The following SPTSSA variants were observed in gnomAD, a reference collection of about 807,000 sequenced individuals.
SPTSSA encodes serine palmitoyltransferase small subunit A.
In SPTSSA, 8 loss-of-function variants were observed where a neutral mutation model predicts 9.1. That is an observed-to-expected ratio of 0.88 (90% confidence interval 0.51 to 1.58). SPTSSA has a LOEUF of 1.58. Among genes scored for constraint, SPTSSA ranks in the 40% most tolerant of loss-of-function variants. SPTSSA has a pLI of 0.00. For missense variants in SPTSSA, 100 were observed against 93.8 expected, an observed-to-expected ratio of 1.07 and a Z score of -0.27; for synonymous variants, 42 against 37.7, an observed-to-expected ratio of 1.11 and a Z score of -0.41.
chr14:34,445,479 C>CGACAGAGCTGGGA (rs1382381807), intron 1 of SPTSSA, among the ~76,000 whole-genome samples: 1 of 151,934 alleles, frequency 6.6e-6, no homozygotes, highest in East Asian at 1.9e-4. Flanking sequence ...CCAGCCTGGG[C>CGACAGAGCTGGGA]GACAGAGCAA....
intron 1 of SPTSSA, among the ~76,000 whole-genome samples, chr14:34,435,623 C>CTTTTTTTTTTT (rs769896697): frequency 1.6e-4 from 15 of 92,442 alleles, no homozygotes; most frequent in African/African-American, 4.6e-4. Flanking sequence ...GTTTGTTTCT[C>CTTTTTTTTTTT]TTTTTTTTTT....
intron 1 of SPTSSA, among the ~76,000 whole-genome samples, chr14:34,439,250 G>A (rs1204143438): frequency 6.6e-6 from 1 of 152,082 alleles, no homozygotes; most frequent in Admixed American, 6.6e-5. Flanking sequence ...AACCAAGAAG[G>A]CTGCTTGGCA....
chr14:34,451,617 G>A (rs1883525908), intron 1 of SPTSSA, among the ~76,000 whole-genome samples: 1 of 151,676 alleles, frequency 6.6e-6, no homozygotes, highest in Non-Finnish European at 1.5e-5. Flanking sequence ...CAGCTACTCC[G>A]GAGGCTGAGG....
At chr14:34,461,322 G>A (rs1878610650) in intron 1 of SPTSSA, among the ~76,000 whole-genome samples, 1 of 152,146 alleles carries the variant, frequency 6.6e-6, no homozygotes, top group Non-Finnish European at 1.5e-5. Context: ...ATTAACTGAA[G>A]TTCTCAAAGT....
intron 1 of SPTSSA, among the ~76,000 whole-genome samples, chr14:34,459,208 G>A (rs980318396): frequency 9.9e-5 from 15 of 151,848 alleles, no homozygotes; most frequent in East Asian, 9.7e-4. Flanking sequence ...CAAGGCAGGC[G>A]GATCACTTGA....
chr14:34,453,729 T>C (rs1330675554), intron 1 of SPTSSA, among the ~76,000 whole-genome samples: 2 of 152,240 alleles, frequency 1.3e-5, no homozygotes, highest in Non-Finnish European at 2.9e-5. Flanking sequence ...ACCAAAACGC[T>C]TGTATTAGTA....
chr14:34,446,988 C>G (rs574822539), intron 1 of SPTSSA, among the ~76,000 whole-genome samples: 70 of 151,934 alleles, frequency 4.6e-4, no homozygotes, highest in Non-Finnish European at 7.9e-4. Flanking sequence ...CTTTGAGAGG[C>G]CGAGGCAGGT....
At chr14:34,435,364 G>A in intron 1 of SPTSSA, 60 bp from the exon 2 acceptor site, 1 of 1,211,272 alleles carries the variant, frequency 8.3e-7, no homozygotes, top group Non-Finnish European at 1.2e-6. Context: ...ATCTCCACAT[G>A]TCTTCAACAA....
In SPTSSA at chr14:34,447,225, T is replaced by TAA. The variant is rs79063928; in HGVS notation, c.113-11923_113-11922dup. Among the ~76,000 whole-genome samples the TAA allele has an allele frequency of 7.4e-3, 630 of 85,272 alleles. 8 individuals are homozygous for TAA. Among genetic ancestry groups the TAA allele is most frequent in the African/African-American group, 0.011 (255 of 23,252 alleles). 55.9% of individuals were successfully genotyped at this position (85,272 alleles called of 152,430 possible). A position where few individuals can be genotyped will look rare whatever the true frequency, so the allele number is the denominator to read the frequency against. On this transcript the variant is annotated intron_variant, in intron 1 of 1. Transcript: ENST00000298130. ...GGTGACAGAGCGAGACTCCATCTCT[T>TAA]AAAAAAAAAAAAAAAAAAAAAAAAA... is the stretch of plus-strand genomic sequence containing the variant.
intron 1 of SPTSSA, among the ~76,000 whole-genome samples, chr14:34,455,910 C>T (rs915601644): frequency 2.0e-5 from 3 of 149,256 alleles, no homozygotes; most frequent in Admixed American, 1.3e-4. Context: ...CCAGCCTGGG[C>T]AACAGAACAA....
At chr14:34,451,444 C>T (rs1047537638) in intron 1 of SPTSSA, among the ~76,000 whole-genome samples, 14 of 152,142 alleles carry the variant, frequency 9.2e-5, no homozygotes, top group Admixed American at 1.3e-4. Flanking sequence ...CAATTCTAGG[C>T]TGGGCGCGGT....
At chr14:34,449,682 T>C (rs1883485324) in intron 1 of SPTSSA, among the ~76,000 whole-genome samples, 1 of 151,062 alleles carries the variant, frequency 6.6e-6, no homozygotes, top group East Asian at 2.0e-4. Context: ...TTTATATTTT[T>C]AGTAGAGATG....
Position 34,458,033 on chromosome 14 carries a change from T to G in SPTSSA, c.112+4063A>C, listed in dbSNP as rs143553417. ...AAGACAGATGGTATATAGGCCCTAG[T>G]GAGGAAGAATTTACAAAACTTACTT... On this transcript the variant is annotated intron_variant, in intron 1 of 1. Coordinates refer to ENST00000298130, the MANE Select transcript of SPTSSA (RefSeq NM_138288.4). 5.2e-3 allele frequency among the ~76,000 whole-genome samples: 786 copies of G among 150,214 alleles called. 7 individuals carry two copies. Among genetic ancestry groups the G allele is most frequent in the African/African-American group, 0.017 (701 of 40,854 alleles).
chr14:34,449,357 T>C (rs1419911540), intron 1 of SPTSSA, among the ~76,000 whole-genome samples: 1 of 151,958 alleles, frequency 6.6e-6, no homozygotes, highest in African/African-American at 2.4e-5. Context: ...ATAACACTAC[T>C]GCACTCTAGC....
chr14:34,457,962 AC>A (rs1878517200), intron 1 of SPTSSA, among the ~76,000 whole-genome samples: 1 of 137,774 alleles, frequency 7.3e-6, no homozygotes, highest in African/African-American at 2.9e-5. Context: ...ACAGAGCAAG[AC>A]TGTCTCGGAA....
At chr14:34,454,312 C>T (rs1445629641) in intron 1 of SPTSSA, among the ~76,000 whole-genome samples, 1 of 152,180 alleles carries the variant, frequency 6.6e-6, no homozygotes, top group Non-Finnish European at 1.5e-5. Context: ...TCACAAATCA[C>T]TAGAATCACA....
chr14:34,456,129 C>A (rs372082353), intron 1 of SPTSSA, among the ~76,000 whole-genome samples: 147 of 150,750 alleles, frequency 9.8e-4, no homozygotes, highest in African/African-American at 2.8e-3. Flanking sequence ...CGAGACCATC[C>A]GGCTAACATG....
At chr14:34,456,793 G>A (rs1003491730) in intron 1 of SPTSSA, among the ~76,000 whole-genome samples, 1 of 151,062 alleles carries the variant, frequency 6.6e-6, no homozygotes, top group Admixed American at 6.6e-5. Flanking sequence ...CAGCTACTCG[G>A]GAGGGCAAGG....
chr14:34,454,039 G>A (rs1883570307), intron 1 of SPTSSA, among the ~76,000 whole-genome samples: 1 of 152,068 alleles, frequency 6.6e-6, no homozygotes, highest in Admixed American at 6.6e-5. Context: ...AATTAATCAG[G>A]CATGGTGGTG....
Sources: allele counts gnomAD v4.1 joint callset (sites outside exome capture counted in the v4.1 genomes callset), GRCh38; gene constraint gnomAD v4.1.1; transcripts MANE v1.5; gene names NCBI Gene and HGNC (gene_info 2026-07-23, HGNC 2026-07-21).